The following NETO2 variants were observed in gnomAD, a reference collection of about 807,000 sequenced individuals.
NETO2 encodes neuropilin and tolloid-like protein 2.
Under a neutral mutation model 62.5 loss-of-function variants are expected in NETO2, and 28 were observed. That is an observed-to-expected ratio of 0.45 (90% confidence interval 0.33 to 0.61). The LOEUF is 0.61. Among genes scored for constraint, NETO2 ranks in the 20% least tolerant of loss-of-function variants. The probability of loss-of-function intolerance (pLI) is 0.02; values close to 1 mark genes in which losing one functional copy is unlikely to be tolerated. For synonymous variants in NETO2, 214 were observed against 219.1 expected (o/e 0.98, Z 0.21); for missense variants, 548 against 643.2 (o/e 0.85, Z 1.60).
At chr16:47,095,220 A>G (rs554948116) in intron 7 of NETO2, among the ~76,000 whole-genome samples, 1 of 152,342 alleles carries the variant, frequency 6.6e-6, no homozygotes, top group African/African-American at 2.4e-5. Flanking sequence ...TATACACAAA[A>G]GGAAATGCGA....
Position 47,080,746 on chromosome 16 carries a change from G to A in NETO2, c.*2475C>T, listed in dbSNP as rs1963048361. The A allele has an allele frequency of 6.6e-6, 1 of 152,146 alleles. No individual in the cohort carries two copies. Among genetic ancestry groups the A allele is most frequent in the Non-Finnish European group, 1.5e-5 (1 of 68,010 alleles). 9.4% of individuals were successfully genotyped at this position (152,146 alleles called of 1,614,324 possible). ...GACTGACCCTAAACCAATGTTCCTA[G>A]ACGACATTAAGTTGTGCCTTCACTG... On this transcript the variant is annotated 3_prime_UTR_variant, in exon 9 of 9. Transcript: ENST00000562435.
intron 7 of NETO2, among the ~76,000 whole-genome samples, chr16:47,098,146 G>A (rs1007151927): frequency 1.2e-4 from 18 of 152,182 alleles, no homozygotes; most frequent in Non-Finnish European, 2.9e-5. Context: ...CCCCTTGCCA[G>A]CAAGGGAACA....
At position 47,079,630 on chromosome 16, in the gene NETO2, G is replaced by A. The variant is rs1194369112; in HGVS notation, c.*3591C>T. On this transcript the variant is annotated 3_prime_UTR_variant, in exon 9 of 9. Coordinates refer to ENST00000562435, the MANE Select transcript of NETO2 (RefSeq NM_018092.5). ...AAAACCAGAGTACTGGGGTTCTTGAGACACTGGTGCTGAGTTCACTTCTGT... is the reference window on the plus strand; with the variant it reads ...AAAACCAGAGTACTGGGGTTCTTGAAACACTGGTGCTGAGTTCACTTCTGT... 6.6e-6 allele frequency: 1 copy of A among 152,306 alleles called. No homozygotes were observed. The highest frequency in any genetic ancestry group is 2.4e-5 in the African/African-American group (1 of 41,448). The allele number at this position is 152,306 out of a possible 1,614,324, so 9.4% of individuals were successfully genotyped here.
At chr16:47,125,349 G>C (rs1567396243) in intron 4 of NETO2, among the ~76,000 whole-genome samples, 1 of 144,552 alleles carries the variant, frequency 6.9e-6, no homozygotes, top group Non-Finnish European at 1.5e-5. Context: ...CTAGCTACTA[G>C]TTTTTTTTTT....
intron 6 of NETO2, among the ~76,000 whole-genome samples, chr16:47,121,251 G>A (rs567919078): frequency 3.3e-5 from 5 of 152,194 alleles, no homozygotes; most frequent in South Asian, 2.1e-4. Flanking sequence ...GTGTTATGTC[G>A]GTGAACTCGT....
chr16:47,138,600 A>G (rs998434324), intron 1 of NETO2, among the ~76,000 whole-genome samples: 5 of 152,226 alleles, frequency 3.3e-5, no homozygotes, highest in African/African-American at 9.6e-5. Context: ...GCGCTCAGTT[A>G]AATTCAGAGA....
chr16:47,097,564 G>C (rs1963453768), intron 7 of NETO2, among the ~76,000 whole-genome samples: 1 of 152,226 alleles, frequency 6.6e-6, no homozygotes, highest in Non-Finnish European at 1.5e-5. Context: ...GTGGGACAGA[G>C]CACCTGGGGG....
intron 7 of NETO2, among the ~76,000 whole-genome samples, chr16:47,103,528 T>C (rs1963601699): frequency 6.6e-6 from 1 of 152,168 alleles, no homozygotes; most frequent in African/African-American, 2.4e-5. Context: ...CCAGAACTAG[T>C]TACTCATTCT....
At chr16:47,113,585 CTTTTTTTTTT>C (rs953891691) in intron 6 of NETO2, among the ~76,000 whole-genome samples, 22 of 106,614 alleles carry the variant, frequency 2.1e-4, no homozygotes, top group African/African-American at 6.5e-4. Flanking sequence ...ACAGTTTATT[CTTTTTTTTTT>C]TTTTTTTTTT....
intron 6 of NETO2, among the ~76,000 whole-genome samples, chr16:47,117,044 T>G (rs1176129527): frequency 3.3e-5 from 5 of 152,050 alleles, no homozygotes. Context: ...TGAAGTTTCA[T>G]GATTTTTTCT....
chr16:47,141,548 T>C (rs1964461767), intron 1 of NETO2, among the ~76,000 whole-genome samples: 1 of 152,158 alleles, frequency 6.6e-6, no homozygotes, highest in South Asian at 2.1e-4. Context: ...TTTAATCCCC[T>C]AGATTTCCGT....
chr16:47,094,704 G>T (rs1292121192), intron 7 of NETO2, among the ~76,000 whole-genome samples: 1 of 148,564 alleles, frequency 6.7e-6, no homozygotes, highest in Admixed American at 6.8e-5. Context: ...GGGATTACAG[G>T]CATGAGCCAC....
At chr16:47,110,539 T>G (rs542459326) in intron 6 of NETO2, among the ~76,000 whole-genome samples, 2 of 152,328 alleles carry the variant, frequency 1.3e-5, no homozygotes, top group South Asian at 4.1e-4. Context: ...AAACCCAGGT[T>G]GGTCTGACTC....
Position 47,080,480 on chromosome 16 carries a change from A to G in NETO2, c.*2741T>C, listed in dbSNP as rs1963044731. 6.6e-6 allele frequency: 1 copy of G among 151,876 alleles called. No homozygotes were observed. The highest frequency in any genetic ancestry group is 6.6e-5 in the Admixed American group (1 of 15,246). 9.4% of individuals were successfully genotyped at this position (151,876 alleles called of 1,614,324 possible). ...GCTTTCATTTTAGTAAGCAATTTAT[A>G]AAGTTTTCTCACTGATCTCAAAGAT... is the stretch of plus-strand genomic sequence containing the variant. On this transcript the variant is annotated 3_prime_UTR_variant, in exon 9 of 9. Coordinates refer to ENST00000562435, the MANE Select transcript of NETO2 (RefSeq NM_018092.5).
intron 7 of NETO2, among the ~76,000 whole-genome samples, chr16:47,088,360 C>T (rs937970229): frequency 1.3e-5 from 2 of 152,174 alleles, no homozygotes; most frequent in African/African-American, 2.4e-5. Context: ...CCTGCCTCAG[C>T]CTCCCAAAGT....
rs999931933 is a variant in NETO2, at chr16:47,083,105, A to T, written c.*116T>A. The T allele has an allele frequency of 4.5e-6, 4 of 890,248 alleles. No individual in the cohort carries two copies. Among genetic ancestry groups the T allele is most frequent in the Non-Finnish European group, 6.9e-6 (4 of 575,556 alleles). The allele number at this position is 890,248 out of a possible 1,614,324, so 55.1% of individuals were successfully genotyped here. On this transcript the variant is annotated 3_prime_UTR_variant, in exon 9 of 9. Coordinates refer to ENST00000562435, the MANE Select transcript of NETO2 (RefSeq NM_018092.5). The stretch of plus-strand genomic sequence containing the variant: ...ATCACCATACAATAGGTTAACGGTA[A>T]ATCAAGGTCTTCGTAGTTGTGATGG...
intron 6 of NETO2, among the ~76,000 whole-genome samples, chr16:47,115,714 C>CATATATATATATATATATATATGTATAT (rs918750034): frequency 3.1e-5 from 4 of 128,500 alleles, no homozygotes; most frequent in African/African-American, 1.1e-4. Flanking sequence ...TATATATATA[C>CATATATATATATATATATATATGTATAT]ATATATATAT....
rs1188706704 is a variant in NETO2 at position 47,143,758 on chromosome 16, G to A, written c.-146C>T. ...TCCCCGCTCCCCTGAGGAGAGCTCA[G>A]GTCCTGCGGCCCGCCATGCCCGAGC... is the stretch of plus-strand genomic sequence containing the variant. On this transcript the variant is annotated 5_prime_UTR_variant, in exon 1 of 9. Transcript: ENST00000562435. 5 of 1,095,292 alleles carry A rather than the reference G, an allele frequency of 4.6e-6. No individual in the cohort carries two copies. The highest frequency in any genetic ancestry group is 5.7e-6 in the Non-Finnish European group (5 of 871,858). 67.8% of individuals were successfully genotyped at this position (1,095,292 alleles called of 1,614,324 possible). A position where few individuals can be genotyped will look rare whatever the true frequency, so the allele number is the denominator to read the frequency against.
rs747906903 is a variant in NETO2, at chr16:47,109,697, G to A, written c.669C>T (p.Phe223=). 23 of 1,610,024 alleles carry A rather than the reference G, an allele frequency of 1.4e-5. No individual in the cohort carries two copies. Among genetic ancestry groups the A allele is most frequent in the Non-Finnish European group, 2.0e-5 (23 of 1,176,570 alleles). The change falls in exon 7 of 9, where the codon TTC becomes TTT. Residue 223 remains phenylalanine, a synonymous_variant. Transcript: ENST00000562435. ...ATPKAKIYLR[F]LDYQMEHSNE... is the part of the protein sequence containing the mutation. ...TTGAGTGCTCCATTTGATAATCTAG[G>A]AACCTCAAATAAATCTGTAATATTA...
Sources: gnomAD v4.1 joint callset for allele counts (sites outside exome capture counted in the v4.1 genomes callset) on GRCh38, gnomAD v4.1.1 for gene constraint, MANE v1.5 for transcripts, NCBI Gene and HGNC (gene_info 2026-07-23, HGNC 2026-07-21) for gene names.